The following MX2 variants were observed in gnomAD, a reference collection of about 807,000 sequenced individuals.
The protein encoded by MX2 is interferon-induced GTP-binding protein Mx2.
In MX2, 51 loss-of-function variants were observed where a neutral mutation model predicts 74.0. That is an observed-to-expected ratio of 0.69 (90% CI 0.55 to 0.87). MX2 has a LOEUF of 0.87. Ranked by LOEUF, MX2 falls within the 40% of genes least tolerant of loss-of-function variation. The pLI is 0.00. For missense variants in MX2, 832 were observed against 908.7 expected, an observed-to-expected ratio of 0.92 and a Z score of 1.09; for synonymous variants, 369 against 339.3, an observed-to-expected ratio of 1.09 and a Z score of -0.96.
chr21:41,387,867 G>A (rs1034316764), intron 5 of MX2, among the ~76,000 whole-genome samples: 3 of 152,076 alleles, frequency 2.0e-5, no homozygotes, highest in East Asian at 1.9e-4. Flanking sequence ...AGACATCCCC[G>A]TCTCAGACAG....
chr21:41,396,717 A>G (rs916337290), intron 7 of MX2, among the ~76,000 whole-genome samples: 1 of 152,132 alleles, frequency 6.6e-6, no homozygotes, highest in African/African-American at 2.4e-5. Flanking sequence ...TCCTGCTCTG[A>G]GTGGATGAAA....
At position 41,402,427 on chromosome 21, in the gene MX2, G is replaced by A. The variant is rs1378495045; in HGVS notation, c.1573+299G>A. Among the ~76,000 whole-genome samples, 1 of 152,234 alleles carries A rather than the reference G, an allele frequency of 6.6e-6. No homozygotes were observed. The highest frequency in any genetic ancestry group is 2.1e-4 in the South Asian group (1 of 4,834). On this transcript the variant is annotated intron_variant, in intron 11 of 13. Coordinates refer to ENST00000330714, the MANE Select transcript of MX2 (RefSeq NM_002463.2). The surrounding 1 kb of genome is among the most constrained non-coding windows in gnomAD (Gnocchi z 4.5). ...CGCTGTCCTTCAAACACGTGGAGGAGGCGGGGAAGATGGTTTCTCTTGTCT... is the reference window on the plus strand; with the variant it reads ...CGCTGTCCTTCAAACACGTGGAGGAAGCGGGGAAGATGGTTTCTCTTGTCT...
In MX2 at chr21:41,408,066, T is replaced by C. The variant is rs1423324811; in HGVS notation, c.1981T>C (p.Leu661=). 1 of 1,614,224 alleles carries C rather than the reference T, an allele frequency of 6.2e-7. No homozygotes were observed. The highest frequency in any genetic ancestry group is 2.2e-5 in the East Asian group (1 of 44,884). ...YFMLRENGDS[L]QKAMMQILQE... is the part of the protein sequence containing the mutation. ...TATGCTCCGAGAGAATGGTGACTCC[T>C]TGCAGAAAGCCATGATGCAGATACT... is the stretch of plus-strand genomic sequence containing the variant. Residue 661 remains leucine (L), a synonymous_variant, in exon 14 of 14, where the codon TTG becomes CTG. Coordinates refer to ENST00000330714, the MANE Select transcript of MX2 (RefSeq NM_002463.2).
At position 41,408,106 on chromosome 21, in the gene MX2, G is replaced by A. The variant is rs200709115; in HGVS notation, c.2021G>A (p.Arg674His). The change falls in exon 14 of 14, where the codon CGC (arginine) becomes CAC (histidine). Residue 674 changes from arginine (R) to histidine (H), a missense_variant. Coordinates refer to ENST00000330714, the MANE Select transcript of MX2 (RefSeq NM_002463.2). ...ATGCAGATACTACAGGAAAAAAATC[G>A]CTATTCCTGGCTGCTTCAAGAGCAG... is the stretch of plus-strand genomic sequence containing the variant. Reference protein sequence around the residue: ...AMMQILQEKNRYSWLLQEQSE... With the variant: ...AMMQILQEKNHYSWLLQEQSE... 2.2e-5 allele frequency: 35 copies of A among 1,614,164 alleles called. No homozygotes were observed. Among genetic ancestry groups the A allele is most frequent in the East Asian group, 1.1e-4 (5 of 44,882 alleles).
chr21:41,384,686 G>A (rs1039354615), intron 5 of MX2, among the ~76,000 whole-genome samples: 2 of 152,016 alleles, frequency 1.3e-5, no homozygotes, highest in Admixed American at 1.3e-4. Context: ...GGCAGTATAC[G>A]AAAACACTGC....
At chr21:41,401,873 C>A in intron 10 of MX2, 97 bp from the exon 11 acceptor site, 2 of 1,344,754 alleles carry the variant, frequency 1.5e-6, no homozygotes, top group Non-Finnish European at 2.0e-6. Flanking sequence ...ATTGCCTCTG[C>A]GTACAGTGGG....
intron 10 of MX2, among the ~76,000 whole-genome samples, chr21:41,400,546 C>G (rs1286550890): frequency 2.0e-5 from 3 of 152,078 alleles, no homozygotes; most frequent in African/African-American, 7.2e-5. Context: ...CTACCTGAGA[C>G]TGGGTAATTT....
intron 1 of MX2, among the ~76,000 whole-genome samples, chr21:41,375,009 C>T (rs1385066288): frequency 6.6e-6 from 1 of 152,178 alleles, no homozygotes; most frequent in East Asian, 1.9e-4. Flanking sequence ...TCACACTGAC[C>T]ATCTTCCTAT....
chr21:41,393,768 C>T (rs1035782956), intron 6 of MX2, among the ~76,000 whole-genome samples: 6 of 152,188 alleles, frequency 3.9e-5, no homozygotes, highest in South Asian at 2.1e-4. Context: ...TGGACAACTC[C>T]GTTTGGCTGT....
intron 6 of MX2, 104 bp from the exon 7 acceptor site, chr21:41,395,483 A>G: frequency 1.0e-6 from 1 of 958,366 alleles, no homozygotes; most frequent in South Asian, 1.5e-5. Flanking sequence ...TCAAGACTGC[A>G]GAAGACCTTG....
intron 6 of MX2, among the ~76,000 whole-genome samples, chr21:41,391,389 C>CTTT (rs11405891): frequency 1.4e-5 from 2 of 142,490 alleles, no homozygotes; most frequent in African/African-American, 5.2e-5. Context: ...TAAATATTAG[C>CTTT]TTTTTTTTTT....
chr21:41,389,333 A>T (rs2089624869), intron 5 of MX2, among the ~76,000 whole-genome samples: 1 of 152,148 alleles, frequency 6.6e-6, no homozygotes, highest in Non-Finnish European at 1.5e-5. Context: ...TGGGCAAGGT[A>T]GCAAGACCCT....
At chr21:41,395,018 G>A (rs1254106478) in intron 6 of MX2, among the ~76,000 whole-genome samples, 2 of 151,890 alleles carry the variant, frequency 1.3e-5, no homozygotes, top group Admixed American at 1.3e-4. Context: ...AAGGAAGAAA[G>A]AAAAGTGCTT....
intron 12 of MX2, chr21:41,404,963 C>G (rs1298439311): frequency 6.6e-6 from 1 of 151,564 alleles, no homozygotes; most frequent in Non-Finnish European, 1.5e-5. Flanking sequence ...AACTCACTCT[C>G]TCACTCTCAA....
At position 41,377,121 on chromosome 21, in the gene MX2, C is replaced by T; in HGVS notation, c.215C>T (p.Pro72Leu). 6.2e-7 allele frequency: 1 copy of T among 1,614,208 alleles called. No homozygotes were observed. Among genetic ancestry groups the T allele is most frequent in the South Asian group, 1.1e-5 (1 of 91,082 alleles). ...AACTTTCTCACTTTGAACAATCAGC[C>T]ACCACCAGGAAACAGGAGCCAACCA... ...DFNFLTLNNQ[P>L]PPGNRSQPRA... The change falls in exon 2 of 14, where the codon CCA becomes CTA. Residue 72 changes from proline (P) to leucine (L), a missense_variant. By Grantham distance (98) the Pro-to-Leu change is moderately conservative. Transcript: ENST00000330714.
chr21:41,401,910 A>G (rs1568949446), intron 10 of MX2, 60 bp from the exon 11 acceptor site: 2 of 1,556,932 alleles, frequency 1.3e-6, no homozygotes, highest in African/African-American at 2.7e-5. Flanking sequence ...AACTGTTGCT[A>G]GCTTTACGAC....
At chr21:41,397,769 T>C in intron 8 of MX2, 78 bp downstream of exon 8, 11 of 1,252,372 alleles carry the variant, frequency 8.8e-6, no homozygotes, top group Non-Finnish European at 1.2e-5. Flanking sequence ...TTGGCTAAGA[T>C]GCCCCACTGA....
chr21:41,388,257 C>A lies in MX2; in HGVS notation c.733-2308C>A, dbSNP rs2089608297. On this transcript the variant is annotated intron_variant, in intron 5 of 13. Transcript: ENST00000330714. This position sits in a 1 kb window ranked among gnomAD's most constrained non-coding sequence, Gnocchi z 4.0. ...ATTCCAAGGTCCCATGTGATCCAAT[C>A]CCCCTACTTCATGGACCACATTTCC... Among the ~76,000 whole-genome samples the A allele has an allele frequency of 6.6e-6, 1 of 152,208 alleles. No individual in the cohort carries two copies. The highest frequency in any genetic ancestry group is 6.5e-5 in the Admixed American group (1 of 15,288).
chr21:41,387,809 T>C (rs1326322398), intron 5 of MX2, among the ~76,000 whole-genome samples: 3 of 152,160 alleles, frequency 2.0e-5, no homozygotes, highest in Non-Finnish European at 4.4e-5. Flanking sequence ...ACAAACTCAG[T>C]GGGTCCAAGC....
Sources: allele counts gnomAD v4.1 joint callset (sites outside exome capture counted in the v4.1 genomes callset), GRCh38; gene constraint gnomAD v4.1.1; non-coding constraint Gnocchi (gnomAD v3.1); transcripts MANE v1.5; gene names NCBI Gene and HGNC (gene_info 2026-07-23, HGNC 2026-07-21).